The following ARHGAP5 variants were observed in gnomAD, a reference collection of about 807,000 sequenced individuals.
ARHGAP5 encodes the protein rho GTPase-activating protein 5.
ARHGAP5 carries 23 observed loss-of-function variants against 116.6 expected under a neutral mutation model. The observed-to-expected ratio is 0.20, with a 90% confidence interval of 0.14 to 0.28. ARHGAP5 has a LOEUF of 0.28. Ranked by LOEUF, ARHGAP5 falls within the 10% of genes least tolerant of loss-of-function variation. ARHGAP5 has a pLI of 1.00. For missense variants in ARHGAP5, 1,405 were observed against 1,774.8 expected (o/e 0.79, Z 3.74); for synonymous variants, 574 against 602.0 (o/e 0.95, Z 0.68).
intron 1 of ARHGAP5, among the ~76,000 whole-genome samples, chr14:32,086,181 A>G (rs2041827956): frequency 6.6e-6 from 1 of 152,176 alleles, no homozygotes; most frequent in Non-Finnish European, 1.5e-5. Context: ...GTTAAGTGCA[A>G]AGAACATGCC....
At position 32,158,232 on chromosome 14, in the gene ARHGAP5, A is replaced by G. The variant is rs147751698; in HGVS notation, c.*3284A>G. ...GAAAAATAAAAATATAAATTTATCA[A>G]TATGATGGAAATCTTATTAAGGAGA... is the stretch of plus-strand genomic sequence containing the variant. On this transcript the variant is annotated 3_prime_UTR_variant, in exon 7 of 7. Transcript: ENST00000345122. 760 of 152,016 alleles carry G rather than the reference A, an allele frequency of 5.0e-3. 6 individuals carry two copies. The highest frequency in any genetic ancestry group is 0.017 in the African/African-American group (704 of 41,562). The allele number at this position is 152,016 out of a possible 1,614,324, so 9.4% of individuals were successfully genotyped here.
intron 2 of ARHGAP5, among the ~76,000 whole-genome samples, chr14:32,103,815 G>A (rs1422246702): frequency 6.6e-6 from 1 of 152,112 alleles, no homozygotes; most frequent in Non-Finnish European, 1.5e-5. Context: ...GACTTTTAAA[G>A]AAGAGAAACC....
At chr14:32,115,331 A>G (rs1445327560) in intron 2 of ARHGAP5, among the ~76,000 whole-genome samples, 1 of 152,134 alleles carries the variant, frequency 6.6e-6, no homozygotes, top group African/African-American at 2.4e-5. Flanking sequence ...TATCCTGAAA[A>G]TGTTTTGTAC....
intron 6 of ARHGAP5, 135 bp downstream of exon 6, chr14:32,152,663 T>C (rs1407363684): frequency 1.6e-5 from 8 of 489,076 alleles, no homozygotes; most frequent in Non-Finnish European, 2.9e-5. Flanking sequence ...TTTGTTTTTC[T>C]AATTTATATC....
At chr14:32,145,572 G>A (rs1161332730) in intron 3 of ARHGAP5, among the ~76,000 whole-genome samples, 1 of 152,060 alleles carries the variant, frequency 6.6e-6, no homozygotes, top group African/African-American at 2.4e-5. Flanking sequence ...CATGATATGA[G>A]CCTCTGCCTG....
chr14:32,099,917 G>A (rs1878713797), intron 2 of ARHGAP5, among the ~76,000 whole-genome samples: 2 of 152,124 alleles, frequency 1.3e-5, no homozygotes, highest in African/African-American at 4.8e-5. Context: ...TTTAGGTTTC[G>A]TTATCTTTTG....
intron 1 of ARHGAP5, among the ~76,000 whole-genome samples, chr14:32,084,354 A>G (rs1372316537): frequency 6.6e-6 from 1 of 152,166 alleles, no homozygotes; most frequent in Non-Finnish European, 1.5e-5. Context: ...ATTGTGTGTT[A>G]ATGATCACAT....
rs745814614 is a variant in ARHGAP5 at position 32,091,615 on chromosome 14, A to G, written c.946A>G (p.Arg316Gly). Residue 316 changes from arginine to glycine, a missense_variant, in exon 2 of 7, where the codon AGA becomes GGA. By Grantham distance (125) the Arg-to-Gly change is moderately radical (BLOSUM62 -2). Around this residue, in one of 6 missense-constraint regions of ARHGAP5, gnomAD observed 944 missense variants for 1,095.3 expected, o/e 0.86. Coordinates refer to ENST00000345122, the MANE Select transcript of ARHGAP5 (RefSeq NM_001030055.2). ...CAACTTAGAGGGAACAAGAAAGGCC[A>G]GAAATACATTCTCAAAACATATAGA... is the stretch of plus-strand genomic sequence containing the variant. ...YINLEGTRKA[R>G]NTFSKHIEQL... 3 of 1,612,152 alleles carry G rather than the reference A, an allele frequency of 1.9e-6. No homozygotes were observed. The highest frequency in any genetic ancestry group is 1.7e-5 in the Admixed American group (1 of 59,806).
chr14:32,091,819 A>G lies in ARHGAP5; in HGVS notation c.1150A>G (p.Thr384Ala). The G allele has an allele frequency of 1.2e-6, 2 of 1,612,954 alleles. No homozygotes were observed. Among genetic ancestry groups the G allele is most frequent in the South Asian group, 2.2e-5 (2 of 91,012 alleles). Reference protein sequence around the residue: ...FQLCFVVLEKTPWDETDHIDK... With the variant: ...FQLCFVVLEKAPWDETDHIDK... ...GTTATGTTTTGTGGTGCTAGAAAAA[A>G]CTCCTTGGGATGAAACTGACCATAT... The change falls in exon 2 of 7, where the codon ACT (threonine) becomes GCT (alanine). Residue 384 changes from threonine (T) to alanine (A), a missense_variant. Transcript: ENST00000345122.
chr14:32,133,662 G>A (rs150750335), intron 3 of ARHGAP5, among the ~76,000 whole-genome samples: 1,672 of 152,210 alleles, frequency 0.011, 27 homozygotes, highest in African/African-American at 0.037. Flanking sequence ...TCTTGTGCCC[G>A]TTTTCAAAGG....
intron 3 of ARHGAP5, among the ~76,000 whole-genome samples, chr14:32,143,906 T>G (rs1881252521): frequency 6.6e-6 from 1 of 152,206 alleles, no homozygotes; most frequent in Non-Finnish European, 1.5e-5. Context: ...TCTAGGATGT[T>G]TAACAGCATT....
intron 5 of ARHGAP5, among the ~76,000 whole-genome samples, chr14:32,151,654 T>C (rs1881643258): frequency 6.6e-6 from 1 of 152,268 alleles, no homozygotes; most frequent in Non-Finnish European, 1.5e-5. Flanking sequence ...ACATGTTGTC[T>C]GTTACTGCTT....
intron 3 of ARHGAP5, among the ~76,000 whole-genome samples, chr14:32,143,506 A>G (rs1480407352): frequency 6.6e-6 from 1 of 152,176 alleles, no homozygotes; most frequent in East Asian, 1.9e-4. Context: ...GGCCTCCCAA[A>G]GTGCTGGGAT....
chr14:32,139,068 T>G (rs972170873), intron 3 of ARHGAP5, among the ~76,000 whole-genome samples: 9 of 152,154 alleles, frequency 5.9e-5, no homozygotes, highest in African/African-American at 2.2e-4. Context: ...TCCTACTTGG[T>G]CATGATGTAT....
At chr14:32,122,328 A>C (rs376495401) in intron 3 of ARHGAP5, among the ~76,000 whole-genome samples, 1 of 152,284 alleles carries the variant, frequency 6.6e-6, no homozygotes, top group East Asian at 1.9e-4. Flanking sequence ...TTGAAGAAAT[A>C]TCTATTCAGA....
chr14:32,148,975 CA>C (rs1881516563), intron 4 of ARHGAP5, among the ~76,000 whole-genome samples: 1 of 151,932 alleles, frequency 6.6e-6, no homozygotes, highest in Admixed American at 6.6e-5. Flanking sequence ...TTAAAAGGTC[CA>C]AATTAGAATT....
intron 3 of ARHGAP5, among the ~76,000 whole-genome samples, chr14:32,129,157 G>A (rs1880345760): frequency 6.6e-6 from 1 of 152,152 alleles, no homozygotes; most frequent in South Asian, 2.1e-4. Context: ...CTTTTGGTTA[G>A]GTTAGATAGA....
At chr14:32,105,294 A>G (rs989734467) in intron 2 of ARHGAP5, among the ~76,000 whole-genome samples, 8 of 152,188 alleles carry the variant, frequency 5.3e-5, no homozygotes, top group Non-Finnish European at 1.2e-4. Flanking sequence ...CCAGAGCTAC[A>G]TGCTATTGTC....
chr14:32,101,838 C>T (rs1309311897), intron 2 of ARHGAP5, among the ~76,000 whole-genome samples: 3 of 152,198 alleles, frequency 2.0e-5, no homozygotes, highest in Admixed American at 2.0e-4. Flanking sequence ...TAAAAATTAG[C>T]CAGGCGTGGT....
Sources: gnomAD v4.1 joint callset for allele counts (sites outside exome capture counted in the v4.1 genomes callset) on GRCh38, gnomAD v4.1.1 for gene constraint, gnomAD v4.1.1 regional missense constraint, MANE v1.5 for transcripts, NCBI Gene and HGNC (gene_info 2026-07-23, HGNC 2026-07-21) for gene names.